The following DCC variants were observed in gnomAD, a reference collection of about 807,000 sequenced individuals.
DCC encodes netrin receptor DCC.
A neutral mutation model predicts 172.5 loss-of-function variants in DCC; 58 were observed. The observed-to-expected ratio is 0.34, with a 90% CI of 0.27 to 0.42. The LOEUF is 0.42. Ranked by LOEUF, DCC falls within the 10% of genes least tolerant of loss-of-function variation. The probability of loss-of-function intolerance (pLI) is 1.00; values close to 1 mark genes in which losing one functional copy is unlikely to be tolerated. For missense variants in DCC, 1,740 were observed against 1,791.0 expected (o/e 0.97, Z 0.51); for synonymous variants, 709 against 644.5 (o/e 1.10, Z -1.52).
chr18:52,945,298 G>A (rs2040526754), intron 5 of DCC, among the ~76,000 whole-genome samples: 1 of 152,116 alleles, frequency 6.6e-6, no homozygotes, highest in Non-Finnish European at 1.5e-5. Flanking sequence ...AAAGGTAAAT[G>A]TGTTATGTTT....
chr18:52,377,469 T>A (rs759884444), intron 1 of DCC, among the ~76,000 whole-genome samples: 1 of 152,188 alleles, frequency 6.6e-6, no homozygotes, highest in East Asian at 1.9e-4. Context: ...ACATTTTTCA[T>A]TGTTAGTAAG....
intron 5 of DCC, among the ~76,000 whole-genome samples, chr18:53,057,465 C>A (rs541306601): frequency 6.6e-6 from 1 of 152,052 alleles, no homozygotes; most frequent in South Asian, 2.1e-4. Flanking sequence ...GGTTGGGATT[C>A]CTTGTCTCAG....
intron 2 of DCC, among the ~76,000 whole-genome samples, chr18:52,761,913 AAAAAAAAAAAAAG>A (rs1234801891): frequency 2.6e-4 from 37 of 144,206 alleles, no homozygotes; most frequent in Admixed American, 1.8e-3. Flanking sequence ...TGTCTCAAAA[AAAAAAAAAAAAAG>A]AAAAAAAAAA....
chr18:52,729,135 G>A (rs1042815918), intron 1 of DCC, among the ~76,000 whole-genome samples: 5 of 152,186 alleles, frequency 3.3e-5, no homozygotes, highest in Admixed American at 1.3e-4. Flanking sequence ...TAGGCAGTAG[G>A]TAGGGCTGAA....
intron 1 of DCC, among the ~76,000 whole-genome samples, chr18:52,504,157 C>A (rs115916839): frequency 6.6e-6 from 1 of 152,058 alleles, no homozygotes; most frequent in Non-Finnish European, 1.5e-5. Flanking sequence ...GGGGCTGGTA[C>A]GGGTGATTGC....
chr18:53,490,893 C>G (rs2045952827), intron 26 of DCC, among the ~76,000 whole-genome samples: 1 of 152,186 alleles, frequency 6.6e-6, no homozygotes, highest in South Asian at 2.1e-4. Flanking sequence ...AGATGGAAAT[C>G]CTATACCTGT....
intron 1 of DCC, among the ~76,000 whole-genome samples, chr18:52,375,359 A>C (rs779873111): frequency 1.4e-4 from 21 of 152,196 alleles, no homozygotes; most frequent in East Asian, 3.8e-4. Context: ...AGGTTAAAAG[A>C]ATTAACAAAC....
intron 22 of DCC, among the ~76,000 whole-genome samples, chr18:53,440,966 G>A (rs920743081): frequency 3.3e-5 from 5 of 152,224 alleles, no homozygotes; most frequent in Non-Finnish European, 7.3e-5. Context: ...TGTAAGATTG[G>A]ATTTTTCTTT....
chr18:52,568,403 C>T (rs1240897684), intron 1 of DCC, among the ~76,000 whole-genome samples: 2 of 151,942 alleles, frequency 1.3e-5, no homozygotes, highest in Non-Finnish European at 2.9e-5. Flanking sequence ...AAGAAACAAA[C>T]TATTGCCATA....
chr18:52,821,537 T>C (rs1297139938), intron 2 of DCC, among the ~76,000 whole-genome samples: 1 of 152,236 alleles, frequency 6.6e-6, no homozygotes, highest in Non-Finnish European at 1.5e-5. Context: ...TCATCATTCA[T>C]TCCGGCTTTA....
At chr18:53,080,911 T>C (rs1403853941) in intron 7 of DCC, among the ~76,000 whole-genome samples, 1 of 152,070 alleles carries the variant, frequency 6.6e-6, no homozygotes, top group African/African-American at 2.4e-5. Flanking sequence ...TGAGTCATTC[T>C]CCTACTGATG....
chr18:52,536,486 C>A (rs2144693599), intron 1 of DCC, among the ~76,000 whole-genome samples: 1 of 152,172 alleles, frequency 6.6e-6, no homozygotes, highest in East Asian at 1.9e-4. Flanking sequence ...AAACTGGGAG[C>A]AAGACACAGT....
At position 52,752,120 on chromosome 18, in the gene DCC, G is replaced by C. The variant is rs768831554; in HGVS notation, c.158G>C (p.Arg53Pro). The C allele has an allele frequency of 2.5e-6, 4 of 1,614,114 alleles. No individual in the cohort carries two copies. The highest frequency in any genetic ancestry group is 3.4e-6 in the Non-Finnish European group (4 of 1,180,018). The change falls in exon 2 of 29, where the codon CGG (arginine) becomes CCG (proline). Residue 53 changes from arginine to proline, a missense_variant. By Grantham distance (103) the Arg-to-Pro change is moderately radical. Coordinates refer to ENST00000442544, the MANE Select transcript of DCC (RefSeq NM_005215.4). ...LSEPSDAVTMRGGNVLLDCSA... is the reference protein window; with the variant it reads ...LSEPSDAVTMPGGNVLLDCSA... The stretch of plus-strand genomic sequence containing the variant: ...GAACCTTCTGATGCCGTCACAATGC[G>C]GGGAGGAAATGTCCTCCTCGACTGC...
chr18:52,384,782 G>A (rs1985726317), intron 1 of DCC, among the ~76,000 whole-genome samples: 1 of 152,054 alleles, frequency 6.6e-6, no homozygotes, highest in Non-Finnish European at 1.5e-5. Flanking sequence ...GTACATATTT[G>A]CATAGTCTAT....
At chr18:53,037,322 A>G (rs1022078913) in intron 5 of DCC, among the ~76,000 whole-genome samples, 3 of 152,054 alleles carry the variant, frequency 2.0e-5, no homozygotes, top group African/African-American at 7.2e-5. Context: ...AAGGGAAACA[A>G]CTGGAAGTAA....
At chr18:52,626,877 T>G (rs968921991) in intron 1 of DCC, among the ~76,000 whole-genome samples, 1 of 152,150 alleles carries the variant, frequency 6.6e-6, no homozygotes, top group Non-Finnish European at 1.5e-5. Flanking sequence ...CTATTTTTTG[T>G]AAGGACAAAA....
rs190422897 is a variant in DCC at position 52,944,579 on chromosome 18, G to C, written c.985+19209G>C. On this transcript the variant is annotated intron_variant, in intron 5 of 28. Transcript: ENST00000442544. ...TGGGAGGTAAAAAATGTATTAAAAA[G>C]CAAAAGAAGTCTATAGCACTGGAGC... Among the ~76,000 whole-genome samples the C allele has an allele frequency of 3.3e-5, 5 of 152,274 alleles. No individual in the cohort carries two copies. In the East Asian group the frequency reaches 9.7e-4, roughly 29 times the overall value.
intron 1 of DCC, among the ~76,000 whole-genome samples, chr18:52,525,214 C>T (rs1568212384): frequency 6.6e-6 from 1 of 151,964 alleles, no homozygotes; most frequent in Non-Finnish European, 1.5e-5. Flanking sequence ...TTCTATGTCC[C>T]CTATAGCCAC....
chr18:53,325,196 C>CA (rs750007696), intron 14 of DCC, among the ~76,000 whole-genome samples: 23,695 of 64,718 alleles, frequency 0.37, 5,023 homozygotes, highest in Non-Finnish European at 0.49. Context: ...GACTCCATCT[C>CA]AAAAAAAAAA....
Sources: gnomAD v4.1 joint callset for allele counts (sites outside exome capture counted in the v4.1 genomes callset) on GRCh38, gnomAD v4.1.1 for gene constraint, MANE v1.5 for transcripts, NCBI Gene and HGNC (gene_info 2026-07-23, HGNC 2026-07-21) for gene names.